Variants in KLF15 observed in about 807,000 individuals in gnomAD.
KLF15 encodes Krueppel-like factor 15.
A neutral mutation model predicts 24.6 loss-of-function variants in KLF15; 4 were observed. That is an observed-to-expected ratio of 0.16 (90% CI 0.08 to 0.37). The LOEUF is 0.37. KLF15 is among the 10% of genes least tolerant of loss of function. KLF15 has a pLI of 1.00. For missense variants in KLF15, 496 were observed against 560.6 expected, an observed-to-expected ratio of 0.88 and a Z score of 1.16; for synonymous variants, 246 against 236.3, an observed-to-expected ratio of 1.04 and a Z score of -0.37.
At chr3:126,322,324 G>A in the KLF15 span, among the ~76,000 whole-genome samples, 6 of 152,296 alleles carry the variant, frequency 3.9e-5, no homozygotes, top group African/African-American at 1.4e-4. Context: ...CCTCCTGGAG[G>A]CTCTAAGGGA....
the KLF15 span, among the ~76,000 whole-genome samples, chr3:126,326,860 A>G: frequency 1.3e-5 from 2 of 152,354 alleles, no homozygotes; most frequent in Admixed American, 1.3e-4. Flanking sequence ...TATTGATTGA[A>G]TAACTTATAG....
At chr3:126,289,712 A>G in the KLF15 span, among the ~76,000 whole-genome samples, 1 of 152,200 alleles carries the variant, frequency 6.6e-6, no homozygotes, top group African/African-American at 2.4e-5. Context: ...TCTTCTTTCT[A>G]TGGATGCGTA....
At chr3:126,329,705 A>G in the KLF15 span, among the ~76,000 whole-genome samples, 2 of 151,062 alleles carry the variant, frequency 1.3e-5, no homozygotes, top group Non-Finnish European at 1.5e-5. Context: ...GCAATGAATT[A>G]TAGATCAATA....
At chr3:126,345,748 G>A (rs1472972756) in intron 2 of KLF15, among the ~76,000 whole-genome samples, 1 of 152,084 alleles carries the variant, frequency 6.6e-6, no homozygotes, top group African/African-American at 2.4e-5. Flanking sequence ...GTGGGTGGAA[G>A]AGCAGAAGGA....
chr3:126,315,366 C>T, the KLF15 span, among the ~76,000 whole-genome samples: 2 of 152,152 alleles, frequency 1.3e-5, no homozygotes, highest in African/African-American at 2.4e-5. Flanking sequence ...GGGCACTTTT[C>T]AACAGTAACG....
chr3:126,298,981 TG>T, the KLF15 span, among the ~76,000 whole-genome samples: 1 of 152,134 alleles, frequency 6.6e-6, no homozygotes, highest in Non-Finnish European at 1.5e-5. Flanking sequence ...ATTTTAGGAT[TG>T]TTTTTTCTAC....
chr3:126,338,319 C>T (rs73205076), downstream of KLF15, among the ~76,000 whole-genome samples: 3,626 of 152,272 alleles, frequency 0.024, 63 homozygotes, highest in Non-Finnish European at 0.033. Flanking sequence ...TCAGCATGAC[C>T]GTCCACGCCT....
At chr3:126,308,373 A>G in the KLF15 span, among the ~76,000 whole-genome samples, 1 of 152,168 alleles carries the variant, frequency 6.6e-6, no homozygotes, top group Non-Finnish European at 1.5e-5. Flanking sequence ...GGAAGGACAT[A>G]TGGCCTTGTT....
At chr3:126,299,240 GTTTA>G in the KLF15 span, among the ~76,000 whole-genome samples, 1 of 98,166 alleles carries the variant, frequency 1.0e-5, no homozygotes, top group Non-Finnish European at 2.3e-5. Flanking sequence ...GTATGTATTT[GTTTA>G]TTTATTTATT....
At chr3:126,315,573 C>G in the KLF15 span, among the ~76,000 whole-genome samples, 1 of 151,952 alleles carries the variant, frequency 6.6e-6, no homozygotes, top group Non-Finnish European at 1.5e-5. Flanking sequence ...AGGAGGAGAG[C>G]GGGAGGGGAG....
the KLF15 span, among the ~76,000 whole-genome samples, chr3:126,326,694 G>A: frequency 6.6e-6 from 1 of 152,264 alleles, no homozygotes; most frequent in Admixed American, 6.5e-5. Context: ...GCAAAGCTGG[G>A]GAGAGAGCTG....
At chr3:126,310,662 TC>T in the KLF15 span, among the ~76,000 whole-genome samples, 1 of 152,148 alleles carries the variant, frequency 6.6e-6, no homozygotes, top group Non-Finnish European at 1.5e-5. Context: ...TGCCACCTTC[TC>T]CCTGTGTCCT....
Position 126,352,628 on chromosome 3 carries a change from T to G in KLF15, c.295A>C (p.Ser99Arg), listed in dbSNP as rs766638793. ...GGGSGSSIGA[S>R]SGPVAWGPWR... Reference sequence around the variant, plus strand: ...GGCCCCCAGGCCACGGGGCCACTGCTGGCCCCAATGCTACTGCCGCTGCCC... The same window carrying G: ...GGCCCCCAGGCCACGGGGCCACTGCGGGCCCCAATGCTACTGCCGCTGCCC... Residue 99 changes from serine to arginine, a missense_variant, in exon 2 of 3, where the codon AGC becomes CGC. By Grantham distance (110) the Ser-to-Arg change is moderately radical. Around this residue, in one of 3 missense-constraint regions of KLF15, gnomAD observed 399 missense variants for 423.1 expected, o/e 0.94. Transcript: ENST00000296233. The G allele has an allele frequency of 6.2e-7, 1 of 1,601,202 alleles. No individual in the cohort carries two copies. The highest frequency in any genetic ancestry group is 8.5e-7 in the Non-Finnish European group (1 of 1,174,646).
chr3:126,300,114 C>T, the KLF15 span, among the ~76,000 whole-genome samples: 2 of 152,234 alleles, frequency 1.3e-5, no homozygotes, highest in East Asian at 3.9e-4. Context: ...GTATCAGCAA[C>T]GGGGGCTCTG....
chr3:126,303,726 T>C, the KLF15 span, among the ~76,000 whole-genome samples: 1 of 152,026 alleles, frequency 6.6e-6, no homozygotes, highest in South Asian at 2.1e-4. Context: ...ATATCTTTTT[T>C]TTTAACTAAA....
At chr3:126,300,085 G>T in the KLF15 span, among the ~76,000 whole-genome samples, 3 of 152,156 alleles carry the variant, frequency 2.0e-5, no homozygotes, top group Non-Finnish European at 4.4e-5. Flanking sequence ...CTCCACAGGG[G>T]GGTGAATCAT....
the KLF15 span, among the ~76,000 whole-genome samples, chr3:126,309,729 G>A: frequency 2.5e-4 from 38 of 152,278 alleles, 1 homozygote; most frequent in East Asian, 7.4e-3. Flanking sequence ...GGCAGAGAAT[G>A]TACAAGATGA....
At chr3:126,354,349 C>G (rs993148826) in intron 1 of KLF15, 1 of 152,304 alleles carries the variant, frequency 6.6e-6, no homozygotes. Flanking sequence ...ACCTCTACAC[C>G]CAGCCCCTCT....
At chr3:126,354,951 G>C (rs367787152) in intron 1 of KLF15, among the ~76,000 whole-genome samples, 1 of 152,234 alleles carries the variant, frequency 6.6e-6, no homozygotes, top group Non-Finnish European at 1.5e-5. Context: ...TCCGTGAGCT[G>C]ACGCTCACTA....
Sources: allele counts gnomAD v4.1 joint callset (sites outside exome capture counted in the v4.1 genomes callset), GRCh38; gene constraint gnomAD v4.1.1; regional missense constraint gnomAD v4.1.1; transcripts MANE v1.5; gene names NCBI Gene and HGNC (gene_info 2026-07-23, HGNC 2026-07-21).